Variants in DCLK3 observed in about 807,000 individuals in gnomAD.
The protein encoded by DCLK3 is serine/threonine-protein kinase DCLK3.
In DCLK3, 30 loss-of-function variants were observed where a neutral mutation model predicts 46.4. The observed-to-expected ratio is 0.65, with a 90% CI of 0.48 to 0.88. DCLK3 has a LOEUF of 0.88. Ranked by LOEUF, DCLK3 falls within the 40% of genes least tolerant of loss-of-function variation. The pLI is 0.00. For missense variants in DCLK3, 846 were observed against 907.1 expected (o/e 0.93, Z 0.87); for synonymous variants, 401 against 339.2 (o/e 1.18, Z -2.00).
chr3:36,737,715 A>G lies in DCLK3; in HGVS notation c.1452T>C (p.Asp484=). 1 of 1,613,994 alleles carries G rather than the reference A, an allele frequency of 6.2e-7. No individual in the cohort carries two copies. The highest frequency in any genetic ancestry group is 8.5e-7 in the Non-Finnish European group (1 of 1,180,014). The change falls in exon 2 of 5, where the codon GAT becomes GAC. Residue 484 remains aspartate, a synonymous_variant. Coordinates refer to ENST00000636136, the MANE Select transcript of DCLK3 (RefSeq NM_001394672.2). The surrounding 1 kb of genome is among the most constrained non-coding windows in gnomAD (Gnocchi z 4.4). ...CCTTTTCTAGCTTTGCAGGTTGGTC[A>G]TCTCTGAGAGTCATCCTTCTGCCTC... The part of the protein sequence containing the change: ...MSGGRRMTLR[D]DQPAKLEKEP...
At chr3:36,758,364 C>T (rs541727968) in intron 1 of DCLK3, among the ~76,000 whole-genome samples, 4 of 152,142 alleles carry the variant, frequency 2.6e-5, no homozygotes, top group African/African-American at 7.2e-5. Context: ...CTGAATATCC[C>T]GGAAAATTCA....
intron 2 of DCLK3, among the ~76,000 whole-genome samples, chr3:36,733,549 C>T (rs1345459800): frequency 6.6e-6 from 1 of 152,190 alleles, no homozygotes; most frequent in Non-Finnish European, 1.5e-5. Context: ...CATCACTACT[C>T]CAGCTCCTGT....
At chr3:36,730,976 G>C (rs1261475156) in intron 2 of DCLK3, among the ~76,000 whole-genome samples, 1 of 151,992 alleles carries the variant, frequency 6.6e-6, no homozygotes, top group Non-Finnish European at 1.5e-5. Flanking sequence ...AATGGCTGGA[G>C]AGTGGCTTTG....
At position 36,738,339 on chromosome 3, in the gene DCLK3, C is replaced by A; in HGVS notation, c.828G>T (p.Lys276Asn). 6.6e-7 allele frequency: 1 copy of A among 1,507,824 alleles called. No homozygotes were observed. Among genetic ancestry groups the A allele is most frequent in the Non-Finnish European group, 8.8e-7 (1 of 1,131,272 alleles). 93.4% of individuals were successfully genotyped at this position (1,507,824 alleles called of 1,614,324 possible). The change falls in exon 2 of 5, where the codon AAG becomes AAT. Residue 276 changes from lysine to asparagine, a missense_variant. By Grantham distance (94) the Lys-to-Asn change is moderately conservative. Transcript: ENST00000636136. ...CTTCCAGAGTGGCTTCCCTGGGGGG[C>A]TTGCTACTGGGTTCTGGCTCCCATT... ...RGKWEPEPSS[K>N]PPREATLEER...
rs200646257 is a variant in DCLK3 at position 36,715,315 on chromosome 3, C to T, written c.*13G>A. 3.7e-6 allele frequency: 6 copies of T among 1,613,936 alleles called. No homozygotes were observed. In the Admixed American group the frequency reaches 1.0e-4, roughly 27 times the overall value. On this transcript the variant is annotated 3_prime_UTR_variant, in exon 5 of 5. Coordinates refer to ENST00000636136, the MANE Select transcript of DCLK3 (RefSeq NM_001394672.2). Reference sequence around the variant, plus strand: ...AGCAGAACTGGGGGCTGGACAGATTCCCAAGGTGGTGACTATGATACCTGC... The same window carrying T: ...AGCAGAACTGGGGGCTGGACAGATTTCCAAGGTGGTGACTATGATACCTGC...
At chr3:36,715,558 C>T (rs373366440) in intron 4 of DCLK3, 37 bp from the exon 5 acceptor site, 160 of 1,505,792 alleles carry the variant, frequency 1.1e-4, no homozygotes, top group Middle Eastern at 3.6e-4. Context: ...GTGATGAATG[C>T]AGGTGGTTCT....
chr3:36,729,249 G>T (rs889288346), intron 2 of DCLK3, among the ~76,000 whole-genome samples: 2 of 19,586 alleles, frequency 1.0e-4, no homozygotes, highest in African/African-American at 4.9e-4. Context: ...GTGTGTGTGT[G>T]GGGGGGGGGG....
chr3:36,725,163 A>C (rs530408451), intron 2 of DCLK3, among the ~76,000 whole-genome samples: 2 of 152,200 alleles, frequency 1.3e-5, no homozygotes, highest in Admixed American at 1.3e-4. Flanking sequence ...AATACAAAAA[A>C]TTAGCCAGCC....
At position 36,718,142 on chromosome 3, in the gene DCLK3, C is replaced by T. The variant is rs745309621; in HGVS notation, c.2128G>A (p.Val710Met). 19 of 1,613,996 alleles carry T rather than the reference C, an allele frequency of 1.2e-5. No individual in the cohort carries two copies. Among genetic ancestry groups the T allele is most frequent in the African/African-American group, 4.0e-5 (3 of 74,912 alleles). ...GLEVDMWAAG[V>M]ILYILLCGFP... ...CCACACAGCAGGATATAGAGGATCA[C>T]GCCAGCAGCCCACATGTCCACCTCC... The change falls in exon 4 of 5, where the codon GTG becomes ATG. Residue 710 changes from valine to methionine, a missense_variant. Around this residue, in one of 3 missense-constraint regions of DCLK3, gnomAD observed 247 missense variants for 322.8 expected, o/e 0.77. Coordinates refer to ENST00000636136, the MANE Select transcript of DCLK3 (RefSeq NM_001394672.2).
At chr3:36,748,760 A>G (rs1460649632) in intron 1 of DCLK3, among the ~76,000 whole-genome samples, 1 of 152,040 alleles carries the variant, frequency 6.6e-6, no homozygotes, top group Admixed American at 6.5e-5. Flanking sequence ...CTCCAGGTGA[A>G]CCCTTCTGCT....
In DCLK3 at chr3:36,738,516, C is replaced by G; in HGVS notation, c.651G>C (p.Leu217=). The G allele has an allele frequency of 6.6e-7, 1 of 1,513,902 alleles. No homozygotes were observed. The highest frequency in any genetic ancestry group is 8.8e-7 in the Non-Finnish European group (1 of 1,131,454). 93.8% of individuals were successfully genotyped at this position (1,513,902 alleles called of 1,614,324 possible). The change falls in exon 2 of 5, where the codon CTG becomes CTC. Residue 217 remains leucine (L), a synonymous_variant. Coordinates refer to ENST00000636136, the MANE Select transcript of DCLK3 (RefSeq NM_001394672.2). ...RLRSRLFSKA[L]KGDHRCGETE... ...TCTCCCCACAGCGGTGGTCTCCTTT[C>G]AGAGCCTTGCTAAACAGCCTGCTCC...
intron 1 of DCLK3, among the ~76,000 whole-genome samples, chr3:36,760,743 G>A (rs1260000494): frequency 6.6e-6 from 1 of 152,160 alleles, no homozygotes; most frequent in Non-Finnish European, 1.5e-5. Context: ...ATCCCCAGAT[G>A]ATTCATATGT....
chr3:36,735,203 G>A (rs1464933248), intron 2 of DCLK3, among the ~76,000 whole-genome samples: 1 of 152,212 alleles, frequency 6.6e-6, no homozygotes, highest in Non-Finnish European at 1.5e-5. Context: ...AAAGAACACT[G>A]CTCTGTTGCA....
chr3:36,721,389 A>G (rs920577976), intron 3 of DCLK3, 138 bp downstream of exon 3: 8 of 1,224,256 alleles, frequency 6.5e-6, no homozygotes, highest in Non-Finnish European at 8.0e-6. Context: ...TACTTCAAAT[A>G]TTTTCATTGA....
At chr3:36,723,854 AT>A (rs1303812906) in intron 2 of DCLK3, among the ~76,000 whole-genome samples, 1 of 152,190 alleles carries the variant, frequency 6.6e-6, no homozygotes, top group Non-Finnish European at 1.5e-5. Context: ...GTGGGGTCGG[AT>A]CCCCCAAACA....
intron 1 of DCLK3, among the ~76,000 whole-genome samples, chr3:36,740,241 T>G (rs1489104561): frequency 6.6e-6 from 1 of 151,748 alleles, no homozygotes; most frequent in Non-Finnish European, 1.5e-5. Context: ...TGACACATAG[T>G]AAGGACATAA....
Position 36,737,863 on chromosome 3 carries a change from G to T in DCLK3, c.1304C>A (p.Pro435His). The T allele has an allele frequency of 6.2e-7, 1 of 1,613,844 alleles. No homozygotes were observed. Among genetic ancestry groups the T allele is most frequent in the Non-Finnish European group, 8.5e-7 (1 of 1,180,008 alleles). ...GLREVKKDTR[P>H]MSRSKHGGWL... ...GCCACCATGTTTGCTCCTGCTCATG[G>T]GCCTGGTGTCCTTCTTCACCTCCCT... Residue 435 changes from proline (P) to histidine (H), a missense_variant, in exon 2 of 5, where the codon CCC becomes CAC. Coordinates refer to ENST00000636136, the MANE Select transcript of DCLK3 (RefSeq NM_001394672.2). This position sits in a 1 kb window ranked among gnomAD's most constrained non-coding sequence, Gnocchi z 4.4.
rs942663470 is a variant in DCLK3, at chr3:36,738,718, T to G, written c.449A>C (p.Lys150Thr). 3.0e-6 allele frequency: 4 copies of G among 1,320,134 alleles called. No individual in the cohort carries two copies. The Admixed American group carries it at 9.1e-5, about 30-fold the overall frequency. 81.8% of individuals were successfully genotyped at this position (1,320,134 alleles called of 1,614,324 possible). ...AGAGACGCTCCTGATTTCCCTGCCC[T>G]TGAGGTTAAACAGTTTCCTCACACG... is the stretch of plus-strand genomic sequence containing the variant. Reference protein sequence around the residue: ...NDRVRKLFNLKGREIRSVSDF... With the variant: ...NDRVRKLFNLTGREIRSVSDF... Residue 150 changes from lysine to threonine, a missense_variant, in exon 2 of 5, where the codon AAG (lysine) becomes ACG (threonine). Lys to Thr is a moderately conservative substitution (Grantham distance 78). Coordinates refer to ENST00000636136, the MANE Select transcript of DCLK3 (RefSeq NM_001394672.2).
intron 1 of DCLK3, among the ~76,000 whole-genome samples, chr3:36,741,495 A>G (rs1270919614): frequency 6.6e-6 from 1 of 152,210 alleles, no homozygotes; most frequent in East Asian, 1.9e-4. Context: ...GGGCAGACCT[A>G]CCAGGAAAAC....
Sources: gnomAD v4.1 joint callset for allele counts (sites outside exome capture counted in the v4.1 genomes callset) on GRCh38, gnomAD v4.1.1 for gene constraint, gnomAD v4.1.1 regional missense constraint, Gnocchi (gnomAD v3.1) non-coding constraint, MANE v1.5 for transcripts, NCBI Gene and HGNC (gene_info 2026-07-23, HGNC 2026-07-21) for gene names.